Variants in SCNN1G observed in about 807,000 individuals in gnomAD.
The protein encoded by SCNN1G is sodium channel epithelial 1 subunit gamma, also known as epithelial sodium channel subunit gamma.
A neutral mutation model predicts 64.6 loss-of-function variants in SCNN1G; 27 were observed. The observed-to-expected ratio is 0.42, with a 90% CI of 0.31 to 0.58. The LOEUF (loss-of-function observed/expected upper bound fraction) is 0.58. SCNN1G is among the 20% of genes least tolerant of loss of function. The pLI, the probability that SCNN1G is intolerant of heterozygous loss-of-function variation, is 0.18. For synonymous variants in SCNN1G, 330 were observed against 314.2 expected, an observed-to-expected ratio of 1.05 and a Z score of -0.53; for missense variants, 743 against 823.4, an observed-to-expected ratio of 0.90 and a Z score of 1.19.
chr16:23,212,811 A>C (rs1247924970), intron 9 of SCNN1G, 26 bp from the exon 10 acceptor site: 1 of 1,613,764 alleles, frequency 6.2e-7, no homozygotes, highest in Admixed American at 1.7e-5. Context: ...GGCTGCCTAC[A>C]CTCATGCTGT....
At position 23,215,113 on chromosome 16, in the gene SCNN1G, G is replaced by T. The variant is rs781120759; in HGVS notation, c.1594G>T (p.Gly532Cys). The change falls in exon 13 of 13, where the codon GGT becomes TGT. Residue 532 changes from glycine to cysteine, a missense_variant. Coordinates refer to ENST00000300061, the MANE Select transcript of SCNN1G (RefSeq NM_001039.4). ...GATTGAGATGCTTCTGTCCAACTTCGGTGGCCAGCTGGGCCTGTGGATGAG... is the reference window on the plus strand; with the variant it reads ...GATTGAGATGCTTCTGTCCAACTTCTGTGGCCAGCTGGGCCTGTGGATGAG... Reference protein sequence around the residue: ...NSIEMLLSNFGGQLGLWMSCS... With the variant: ...NSIEMLLSNFCGQLGLWMSCS... 2 of 1,614,098 alleles carry T rather than the reference G, an allele frequency of 1.2e-6. No individual in the cohort carries two copies. Among genetic ancestry groups the T allele is most frequent in the Admixed American group, 3.3e-5 (2 of 60,028 alleles).
chr16:23,213,144 G>A lies in SCNN1G; in HGVS notation c.1474G>A (p.Val492Ile), dbSNP rs1395012003. 6.2e-7 allele frequency: 1 copy of A among 1,612,792 alleles called. No homozygotes were observed. Among genetic ancestry groups the A allele is most frequent in the Admixed American group, 1.7e-5 (1 of 59,936 alleles). Residue 492 changes from valine (V) to isoleucine (I), a missense_variant, in exon 11 of 13, where the codon GTA (valine) becomes ATA (isoleucine). Coordinates refer to ENST00000300061, the MANE Select transcript of SCNN1G (RefSeq NM_001039.4). ...PVLTWDQGRQ[V>I]NKKLNKTDLA... is the part of the protein sequence containing the mutation. ...TCTCACTTGGGACCAAGGCCGGCAAGTAAACAAAAAGCTCAACAAGTAAGT... is the reference window on the plus strand; with the variant it reads ...TCTCACTTGGGACCAAGGCCGGCAAATAAACAAAAAGCTCAACAAGTAAGT...
chr16:23,186,944 G>T (rs750029541), intron 2 of SCNN1G, among the ~76,000 whole-genome samples: 1 of 151,756 alleles, frequency 6.6e-6, no homozygotes, highest in African/African-American at 2.4e-5. Context: ...GACTACAGGG[G>T]TGTACCACAG....
intron 1 of SCNN1G, among the ~76,000 whole-genome samples, chr16:23,183,351 C>T (rs909657896): frequency 6.6e-6 from 1 of 152,208 alleles, no homozygotes; most frequent in Non-Finnish European, 1.5e-5. Flanking sequence ...TCGGCAGGAG[C>T]TCGGGTCAGG....
chr16:23,199,906 T>C (rs988396012), intron 6 of SCNN1G, among the ~76,000 whole-genome samples: 1 of 152,018 alleles, frequency 6.6e-6, no homozygotes, highest in South Asian at 2.1e-4. Context: ...CTCCTGACCT[T>C]GTGATCCGCC....
chr16:23,214,874 G>A, intron 12 of SCNN1G, 87 bp downstream of exon 12: 1 of 1,252,786 alleles, frequency 8.0e-7, no homozygotes, highest in South Asian at 1.2e-5. Context: ...ATCAGGGTAG[G>A]GGGTTCCAGC....
chr16:23,187,049 G>A (rs944495925), intron 2 of SCNN1G, among the ~76,000 whole-genome samples: 5 of 150,970 alleles, frequency 3.3e-5, no homozygotes, highest in East Asian at 1.9e-4. Flanking sequence ...TGATCCACCC[G>A]CCTTGGCCTC....
Position 23,184,715 on chromosome 16 carries a change from A to G in SCNN1G, c.-44-1513A>G, listed in dbSNP as rs568932351. ...GCCTCCTAGCTTTGCCCCAGCTTCC[A>G]ATTTTAGCCCATATTTCATGGGTTC... On this transcript the variant is annotated intron_variant, in intron 1 of 12. Coordinates refer to ENST00000300061, the MANE Select transcript of SCNN1G (RefSeq NM_001039.4). 4.4e-4 allele frequency among the ~76,000 whole-genome samples: 66 copies of G among 151,710 alleles called. 1 individual carries two copies. In the Admixed American group the frequency reaches 4.4e-3, roughly 10 times the overall value.
chr16:23,202,633 A>G (rs142589020), intron 6 of SCNN1G, among the ~76,000 whole-genome samples: 2 of 152,396 alleles, frequency 1.3e-5, no homozygotes, highest in East Asian at 3.9e-4. Flanking sequence ...AATTCTAGAA[A>G]GAAATGATGT....
intron 7 of SCNN1G, 83 bp from the exon 8 acceptor site, chr16:23,211,951 C>A (rs1960086145): frequency 9.9e-7 from 1 of 1,005,344 alleles, no homozygotes; most frequent in Non-Finnish European, 1.6e-6. Context: ...GGAGGCTGAC[C>A]CCCTGGGCTG....
At chr16:23,184,775 C>T (rs528895155) in intron 1 of SCNN1G, among the ~76,000 whole-genome samples, 2 of 152,226 alleles carry the variant, frequency 1.3e-5, no homozygotes, top group South Asian at 2.1e-4. Context: ...CTGCAGGTTC[C>T]GAATACTGCC....
intron 3 of SCNN1G, among the ~76,000 whole-genome samples, chr16:23,190,014 G>A (rs1197892202): frequency 6.6e-6 from 1 of 151,954 alleles, no homozygotes; most frequent in Non-Finnish European, 1.5e-5. Context: ...AGGTTGCAGT[G>A]AGCCCAGATG....
At chr16:23,183,096 C>T (rs1166101178) in intron 1 of SCNN1G, among the ~76,000 whole-genome samples, 1 of 152,260 alleles carries the variant, frequency 6.6e-6, no homozygotes, top group African/African-American at 2.4e-5. Flanking sequence ...CTTTTCTCCG[C>T]CCAGCGCCTG....
chr16:23,187,857 G>C (rs1959639619), intron 2 of SCNN1G, among the ~76,000 whole-genome samples: 5 of 152,166 alleles, frequency 3.3e-5, no homozygotes, highest in Admixed American at 3.3e-4. Flanking sequence ...GTCAGAGCAG[G>C]GGTGGGGAGA....
Position 23,186,405 on chromosome 16 carries a change from T to C in SCNN1G, c.134T>C (p.Val45Ala). ...NTNTHGCRRI[V>A]VSRGRLRRLL... Reference sequence around the variant, plus strand: ...AACACCCATGGCTGTCGCCGCATCGTGGTGTCCCGCGGCCGTCTGCGCCGC... The same window carrying C: ...AACACCCATGGCTGTCGCCGCATCGCGGTGTCCCGCGGCCGTCTGCGCCGC... Residue 45 changes from valine to alanine, a missense_variant, in exon 2 of 13, where the codon GTG becomes GCG. Val to Ala is a moderately conservative substitution (Grantham distance 64). Coordinates refer to ENST00000300061, the MANE Select transcript of SCNN1G (RefSeq NM_001039.4). The C allele has an allele frequency of 6.2e-7, 1 of 1,614,266 alleles. No homozygotes were observed. Among genetic ancestry groups the C allele is most frequent in the Non-Finnish European group, 8.5e-7 (1 of 1,180,048 alleles).
In SCNN1G at chr16:23,213,091, C is replaced by G; in HGVS notation, c.1432-11C>G. 1 of 1,613,542 alleles carries G rather than the reference C, an allele frequency of 6.2e-7. No individual in the cohort carries two copies. The highest frequency in any genetic ancestry group is 1.1e-5 in the South Asian group (1 of 91,074). On this transcript the variant is annotated splice_polypyrimidine_tract_variant and intron_variant, in intron 10 of 12. Transcript: ENST00000300061. ...GCACCCTCAGGCCCACGCTTTCTCT[C>G]TCCGTTGTAGAAGTGGTTGCTGCCT...
At chr16:23,213,462 G>A (rs974764769) in intron 11 of SCNN1G, among the ~76,000 whole-genome samples, 1 of 152,208 alleles carries the variant, frequency 6.6e-6, no homozygotes, top group South Asian at 2.1e-4. Flanking sequence ...ATATTGGCCA[G>A]GCTGGTCTCG....
chr16:23,199,663 C>CTTTTTTTTTTTTTTTTTTTTTTTTTT (rs67132706), intron 6 of SCNN1G, among the ~76,000 whole-genome samples: 1 of 59,642 alleles, frequency 1.7e-5, no homozygotes, highest in African/African-American at 6.6e-5. Flanking sequence ...CTTTTCTTTT[C>CTTTTTTTTTTTTTTTTTTTTTTTTTT]TTTTTTTTTT....
Position 23,211,989 on chromosome 16 carries a change from C to T in SCNN1G, c.1177-45C>T, listed in dbSNP as rs1298709442. ...GGATGTGCAGGAAACTCCCTGACAT[C>T]CCTGAGCAAAGACATGAATGGCATT... On this transcript the variant is annotated intron_variant, in intron 7 of 12. Transcript: ENST00000300061. 2.9e-6 allele frequency: 4 copies of T among 1,391,374 alleles called. No homozygotes were observed. In the East Asian group the frequency reaches 9.1e-5, roughly 32 times the overall value. The allele number at this position is 1,391,374 out of a possible 1,614,324, so 86.2% of individuals were successfully genotyped here.
Sources: gnomAD v4.1 joint callset for allele counts (sites outside exome capture counted in the v4.1 genomes callset) on GRCh38, gnomAD v4.1.1 for gene constraint, MANE v1.5 for transcripts, NCBI Gene and HGNC (gene_info 2026-07-23, HGNC 2026-07-21) for gene names.